MYO15A: variants seen among roughly 807,000 people sequenced by gnomAD.
The protein encoded by MYO15A is myosin XVA, also known as unconventional myosin-XV.
MYO15A carries 308 observed loss-of-function variants against 394.6 expected under a neutral mutation model. The ratio of observed to expected loss-of-function variants is 0.78; its 90% CI spans 0.71 to 0.86. MYO15A has a LOEUF of 0.86. Ranked by LOEUF, MYO15A falls within the 40% of genes least tolerant of loss-of-function variation. The pLI is 0.00. For missense variants in MYO15A, 4,606 were observed against 4,799.1 expected, an observed-to-expected ratio of 0.96 and a Z score of 1.19; for synonymous variants, 1,957 against 2,003.8, an observed-to-expected ratio of 0.98 and a Z score of 0.62.
chr17:18,156,944 G>T lies in MYO15A; in HGVS notation c.8602-10G>T, dbSNP rs374176599. The stretch of plus-strand genomic sequence containing the variant: ...GGCTGTTGCCCTCACCCTGCCTCTG[G>T]CTGACCCAGGACTCTGACTACGTGG... On this transcript the variant is annotated splice_polypyrimidine_tract_variant and intron_variant, in intron 48 of 65. Coordinates refer to ENST00000647165, the MANE Select transcript of MYO15A (RefSeq NM_016239.4). 2.3e-5 allele frequency: 37 copies of T among 1,613,642 alleles called. No individual in the cohort carries two copies. The African/African-American group carries it at 3.6e-4, about 16-fold the overall frequency.
chr17:18,172,149 C>T lies in MYO15A; in HGVS notation c.10217-8C>T. 1 of 1,614,188 alleles carries T rather than the reference C, an allele frequency of 6.2e-7. No individual in the cohort carries two copies. The highest frequency in any genetic ancestry group is 8.5e-7 in the Non-Finnish European group (1 of 1,180,034). On this transcript the variant is annotated splice_region_variant and splice_polypyrimidine_tract_variant and intron_variant, in intron 63 of 65. Coordinates refer to ENST00000647165, the MANE Select transcript of MYO15A (RefSeq NM_016239.4). ...AGCACGTAACTGCCACCCCCTCTCCCTGCCCAGGCCTCCTCAGCGCCTTAC... is the reference window on the plus strand; with the variant it reads ...AGCACGTAACTGCCACCCCCTCTCCTTGCCCAGGCCTCCTCAGCGCCTTAC...
Position 18,178,871 on chromosome 17 carries a change from C to T in MYO15A, c.*1C>T, listed in dbSNP as rs1319262206. ...CCCCAGCGAGATCACCCTGCTCTGA[C>T]CCAGCCCCCAGCCCTCCAGTACCTT... is the stretch of plus-strand genomic sequence containing the variant. On this transcript the variant is annotated 3_prime_UTR_variant, in exon 66 of 66. Transcript: ENST00000647165. 6.2e-7 allele frequency: 1 copy of T among 1,612,128 alleles called. No homozygotes were observed. Among genetic ancestry groups the T allele is most frequent in the South Asian group, 1.1e-5 (1 of 91,056 alleles).
intron 38 of MYO15A, 68 bp from the exon 39 acceptor site, chr17:18,151,042 G>C: frequency 6.2e-7 from 1 of 1,610,048 alleles, no homozygotes; most frequent in Non-Finnish European, 8.5e-7. Flanking sequence ...CTCTGACAGA[G>C]ATCTGGAGTC....
chr17:18,146,218 C>A, intron 30 of MYO15A, 111 bp downstream of exon 30: 1 of 1,182,760 alleles, frequency 8.5e-7, no homozygotes, highest in Non-Finnish European at 1.2e-6. Flanking sequence ...TGCTGGGAAG[C>A]TCAGGCATGG....
At chr17:18,116,060 G>A (rs2045778998) in intron 1 of MYO15A, among the ~76,000 whole-genome samples, 1 of 152,228 alleles carries the variant, frequency 6.6e-6, no homozygotes, top group Non-Finnish European at 1.5e-5. Flanking sequence ...ACGGTGCCTA[G>A]CATGCAGCAC....
chr17:18,172,807 C>T, intron 64 of MYO15A: 1 of 206,114 alleles, frequency 4.9e-6, no homozygotes. Flanking sequence ...CCCATCCTAA[C>T]AGCTTCATTT....
intron 12 of MYO15A, among the ~76,000 whole-genome samples, chr17:18,134,061 C>A (rs924807396): frequency 3.3e-5 from 5 of 152,098 alleles, no homozygotes; most frequent in African/African-American, 1.2e-4. Context: ...GCAATCTCGG[C>A]TCATTGCAAC....
chr17:18,144,616 C>T (rs770831561), intron 29 of MYO15A, 24 bp downstream of exon 29: 2 of 1,605,722 alleles, frequency 1.2e-6, no homozygotes, highest in Non-Finnish European at 1.7e-6. Flanking sequence ...CCCAGCCCAC[C>T]TTCTAATTCT....
intron 1 of MYO15A, chr17:18,110,080 C>G (rs968184196): frequency 9.8e-5 from 15 of 152,508 alleles, no homozygotes; most frequent in African/African-American, 3.4e-4. Context: ...CACCGTGTCC[C>G]AGACCAAACA....
chr17:18,153,774 G>C lies in MYO15A; in HGVS notation c.7967-1G>C. ...GACTCCCTGATCCCCGCGCTCTCCA[G>C]CTCTGCCCTCGCGATCGCTGGAGCC... On this transcript the variant is annotated splice_acceptor_variant, in intron 42 of 65. Coordinates refer to ENST00000647165, the MANE Select transcript of MYO15A (RefSeq NM_016239.4). LOFTEE classifies it high-confidence loss of function. This position sits in a 1 kb window ranked among gnomAD's most constrained non-coding sequence, Gnocchi z 4.1. The C allele has an allele frequency of 1.2e-6, 2 of 1,613,548 alleles. No individual in the cohort carries two copies. Among genetic ancestry groups the C allele is most frequent in the Non-Finnish European group, 1.7e-6 (2 of 1,180,008 alleles).
At chr17:18,113,837 C>CACACAG (rs1374878895) in intron 1 of MYO15A, among the ~76,000 whole-genome samples, 1 of 137,748 alleles carries the variant, frequency 7.3e-6, no homozygotes, top group East Asian at 2.0e-4. Context: ...CACACACACA[C>CACACAG]ACACTCTTCC....
intron 62 of MYO15A, among the ~76,000 whole-genome samples, 189 bp downstream of exon 62, chr17:18,167,912 C>T (rs529355587): frequency 6.6e-6 from 1 of 152,346 alleles, no homozygotes; most frequent in African/African-American, 2.4e-5. Flanking sequence ...GGAGCTGGGA[C>T]CCCGCCTCTC....
Position 18,178,766 on chromosome 17 carries a change from C to T in MYO15A, c.10492-3C>T. On this transcript the variant is annotated splice_polypyrimidine_tract_variant and splice_region_variant and intron_variant, in intron 65 of 65. Transcript: ENST00000647165. Reference sequence around the variant, plus strand: ...GGGCGTGGACTGTCACTGTCACCTGCAGGGACTGGAACTGTGTCGTGTGGT... The same window carrying T: ...GGGCGTGGACTGTCACTGTCACCTGTAGGGACTGGAACTGTGTCGTGTGGT... 2 of 1,613,968 alleles carry T rather than the reference C, an allele frequency of 1.2e-6. No individual in the cohort carries two copies. Among genetic ancestry groups the T allele is most frequent in the Admixed American group, 3.3e-5 (2 of 60,024 alleles).
At chr17:18,113,693 G>A (rs1272634965) in intron 1 of MYO15A, among the ~76,000 whole-genome samples, 1 of 150,982 alleles carries the variant, frequency 6.6e-6, no homozygotes, top group African/African-American at 2.4e-5. Context: ...AGTGAGCTGA[G>A]ATCGCATCAC....
At position 18,157,887 on chromosome 17, in the gene MYO15A, G is replaced by A; in HGVS notation, c.8954G>A (p.Gly2985Asp). Reference sequence around the variant, plus strand: ...TCTGCAGCCGCTGCACAGGAGGTGGGCCGCAGGAGAGAGGTGAGACCAGTG... The same window carrying A: ...TCTGCAGCCGCTGCACAGGAGGTGGACCGCAGGAGAGAGGTGAGACCAGTG... ...VASAAAAQEV[G>D]RRREGPPVRA... The change falls in exon 51 of 66, where the codon GGC (glycine) becomes GAC (aspartate). Residue 2985 changes from glycine (G) to aspartate (D), a missense_variant. Gly to Asp is a moderately conservative substitution (Grantham distance 94, BLOSUM62 -1). Coordinates refer to ENST00000647165, the MANE Select transcript of MYO15A (RefSeq NM_016239.4). 1 of 1,317,618 alleles carries A rather than the reference G, an allele frequency of 7.6e-7. No homozygotes were observed. Among genetic ancestry groups the A allele is most frequent in the Non-Finnish European group, 9.9e-7 (1 of 1,011,280 alleles). 81.6% of individuals were successfully genotyped at this position (1,317,618 alleles called of 1,614,324 possible). A position where few individuals can be genotyped will look rare whatever the true frequency, so the allele number is the denominator to read the frequency against.
At position 18,122,323 on chromosome 17, in the gene MYO15A, C is replaced by CA. The variant is rs766187994; in HGVS notation, c.3524dup (p.Ser1176ValfsTer14). On this transcript the variant is annotated frameshift_variant, in exon 2 of 66. Transcript: ENST00000647165. LOFTEE classifies it high-confidence loss of function. ...CTGGCCACGAGTACACACCCATCCCCAGTCCTGCCACCTGGGCCCTGGAGC... is the reference window on the plus strand; with the variant it reads ...CTGGCCACGAGTACACACCCATCCCCAAGTCCTGCCACCTGGGCCCTGGAGC... The CA allele has an allele frequency of 2.5e-5, 41 of 1,612,980 alleles. No homozygotes were observed. The East Asian group carries it at 9.1e-4, about 36-fold the overall frequency.
intron 7 of MYO15A, among the ~76,000 whole-genome samples, chr17:18,128,821 C>T (rs1327799454): frequency 6.6e-6 from 1 of 152,040 alleles, no homozygotes; most frequent in Non-Finnish European, 1.5e-5. Context: ...GATTTGCAGT[C>T]CATGGCAGAG....
intron 44 of MYO15A, 81 bp from the exon 45 acceptor site, chr17:18,154,599 C>A: frequency 7.0e-7 from 1 of 1,438,286 alleles, no homozygotes. Context: ...TCCCACATTG[C>A]CACTCACCCT....
At chr17:18,146,973 T>C (rs772511362) in intron 30 of MYO15A, among the ~76,000 whole-genome samples, 2 of 152,200 alleles carry the variant, frequency 1.3e-5, no homozygotes, top group African/African-American at 4.8e-5. Context: ...CATAGGCTCT[T>C]GTGTGGATAA....
Sources: gnomAD v4.1 joint callset for allele counts (sites outside exome capture counted in the v4.1 genomes callset) on GRCh38, gnomAD v4.1.1 for gene constraint, Gnocchi (gnomAD v3.1) non-coding constraint, MANE v1.5 for transcripts, NCBI Gene and HGNC (gene_info 2026-07-23, HGNC 2026-07-21) for gene names.